Variants in SRBD1 observed in about 807,000 individuals in gnomAD.
The protein encoded by SRBD1 is S1 RNA binding domain 1.
SRBD1 carries 88 observed loss-of-function variants against 115.3 expected under a neutral mutation model. That is an observed-to-expected ratio of 0.76 (90% CI 0.64 to 0.91). The LOEUF (loss-of-function observed/expected upper bound fraction) is 0.91, where lower values mean the gene tolerates loss of function less well. Among genes scored for constraint, SRBD1 ranks in the 40% least tolerant of loss-of-function variants. The pLI is 0.00. For missense variants in SRBD1, 1,385 were observed against 1,177.4 expected (o/e 1.18, Z -2.58); for synonymous variants, 509 against 407.7 (o/e 1.25, Z -2.99).
chr2:45,471,100 G>C (rs922680621), intron 16 of SRBD1, among the ~76,000 whole-genome samples: 1 of 151,960 alleles, frequency 6.6e-6, no homozygotes, highest in South Asian at 2.1e-4. Flanking sequence ...TAGAAGTCCA[G>C]ACTAAAAATA....
intron 19 of SRBD1, among the ~76,000 whole-genome samples, chr2:45,403,196 T>G (rs1344088809): frequency 1.3e-5 from 2 of 152,182 alleles, no homozygotes; most frequent in South Asian, 2.1e-4. Context: ...TTGAAATTTT[T>G]TCAATCCACA....
intron 4 of SRBD1, among the ~76,000 whole-genome samples, chr2:45,593,155 T>C (rs547256049): frequency 6.6e-4 from 100 of 152,330 alleles, no homozygotes; most frequent in Non-Finnish European, 1.1e-3. Flanking sequence ...ACTGTTGTTT[T>C]AGGCTAATTC....
chr2:45,559,238 T>C (rs771375189), intron 10 of SRBD1, among the ~76,000 whole-genome samples: 4 of 152,198 alleles, frequency 2.6e-5, no homozygotes, highest in Non-Finnish European at 5.9e-5. Flanking sequence ...AATCTGATCA[T>C]CACACTCCTG....
chr2:45,537,381 T>C (rs1047491696), intron 14 of SRBD1, among the ~76,000 whole-genome samples: 32 of 152,222 alleles, frequency 2.1e-4, no homozygotes, highest in African/African-American at 6.5e-4. Context: ...CACACTCTTA[T>C]CTTTTTGTCT....
intron 19 of SRBD1, among the ~76,000 whole-genome samples, chr2:45,403,432 T>C (rs1020488832): frequency 6.6e-6 from 1 of 152,188 alleles, no homozygotes; most frequent in Admixed American, 6.5e-5. Context: ...TTCTTTTATG[T>C]AGTCATCTTT....
chr2:45,398,413 G>T (rs1444376241), intron 19 of SRBD1, among the ~76,000 whole-genome samples: 1 of 152,072 alleles, frequency 6.6e-6, no homozygotes, highest in Non-Finnish European at 1.5e-5. Context: ...ATAGATGAAG[G>T]AATGCAGTTT....
At chr2:45,392,293 A>T (rs1572584568) in intron 20 of SRBD1, among the ~76,000 whole-genome samples, 1 of 152,224 alleles carries the variant, frequency 6.6e-6, no homozygotes, top group South Asian at 2.1e-4. Flanking sequence ...AAAACTGGTT[A>T]TAAGACCAGT....
At chr2:45,581,911 A>C in intron 5 of SRBD1, 101 bp from the exon 6 acceptor site, 1 of 846,948 alleles carries the variant, frequency 1.2e-6, no homozygotes, top group Non-Finnish European at 1.9e-6. Context: ...AAGTAAAAGG[A>C]ACTTTATTGT....
Position 45,389,043 on chromosome 2 carries a change from TAA to T in SRBD1, c.*265_*266del. 1 of 386,606 alleles carries T rather than the reference TAA, an allele frequency of 2.6e-6. No individual in the cohort carries two copies. Among genetic ancestry groups the T allele is most frequent in the Non-Finnish European group, 4.6e-6 (1 of 219,258 alleles). 23.9% of individuals were successfully genotyped at this position (386,606 alleles called of 1,614,324 possible). On this transcript the variant is annotated 3_prime_UTR_variant, in exon 21 of 21. Coordinates refer to ENST00000263736, the MANE Select transcript of SRBD1 (RefSeq NM_018079.5). ...GGAGTTAAAGATAAATTACAAAAAATAAAAAACAAAATTTTAGTCAGAAAACT... is the reference window on the plus strand; with the variant it reads ...GGAGTTAAAGATAAATTACAAAAAATAAAACAAAATTTTAGTCAGAAAACT...
chr2:45,569,314 C>A (rs927487126), intron 9 of SRBD1: 3 of 152,242 alleles, frequency 2.0e-5, no homozygotes, highest in Non-Finnish European at 4.4e-5. Flanking sequence ...GCCAGTTCAC[C>A]CCTCCTTAGG....
chr2:45,418,303 G>C lies in SRBD1; in HGVS notation c.2333+62C>G, dbSNP rs553917155. 3.2e-6 allele frequency: 5 copies of C among 1,570,086 alleles called. No homozygotes were observed. The East Asian group carries it at 9.0e-5, about 28-fold the overall frequency. On this transcript the variant is annotated intron_variant, in intron 18 of 20. Coordinates refer to ENST00000263736, the MANE Select transcript of SRBD1 (RefSeq NM_018079.5). ...AAAATTTTACACTAATCAGTGGTAG[G>C]ATAGGTAACAGTAACAAGAGAGGAG...
chr2:45,465,824 T>A (rs1236510941), intron 16 of SRBD1, among the ~76,000 whole-genome samples: 1 of 152,226 alleles, frequency 6.6e-6, no homozygotes, highest in Non-Finnish European at 1.5e-5. Context: ...TACATTTTCT[T>A]GATTTTAAAT....
At chr2:45,503,218 A>AGAAAG (rs1670690817) in intron 14 of SRBD1, among the ~76,000 whole-genome samples, 2 of 151,848 alleles carry the variant, frequency 1.3e-5, no homozygotes, top group Non-Finnish European at 2.9e-5. Flanking sequence ...CTTTCCATGA[A>AGAAAG]GAAAACTTGC....
Position 45,490,284 on chromosome 2 carries a change from AG to A in SRBD1, c.1875-1954del, listed in dbSNP as rs1440468950. 2.0e-5 allele frequency among the ~76,000 whole-genome samples: 3 copies of A among 152,266 alleles called. No individual in the cohort carries two copies. In the East Asian group the frequency reaches 5.8e-4, roughly 29 times the overall value. The stretch of plus-strand genomic sequence containing the variant: ...ACCAGGGGCCCTTGGACTATTGGGC[AG>A]GAAGAGGCAGGATTAATCAGAACTG... On this transcript the variant is annotated intron_variant, in intron 14 of 20. Transcript: ENST00000263736.
chr2:45,409,211 G>C (rs923241293), intron 19 of SRBD1, among the ~76,000 whole-genome samples: 2 of 151,966 alleles, frequency 1.3e-5, no homozygotes, highest in African/African-American at 4.8e-5. Context: ...GACAAAGTGA[G>C]ACCCTGTCCA....
rs1396986972 is a variant in SRBD1 at position 45,488,187 on chromosome 2, G to T, written c.1966+53C>A. On this transcript the variant is annotated intron_variant, in intron 15 of 20. Transcript: ENST00000263736. ...TTAGAATATTTAGCATGCCACACAT[G>T]CTGCCCAAAATATCAAAATCACATG... 4.0e-6 allele frequency: 6 copies of T among 1,488,420 alleles called. No individual in the cohort carries two copies. The East Asian group carries it at 1.1e-4, about 28-fold the overall frequency. 92.2% of individuals were successfully genotyped at this position (1,488,420 alleles called of 1,614,324 possible). A position where few individuals can be genotyped will look rare whatever the true frequency, so the allele number is the denominator to read the frequency against.
At chr2:45,525,358 C>T (rs758761645) in intron 14 of SRBD1, among the ~76,000 whole-genome samples, 2 of 151,972 alleles carry the variant, frequency 1.3e-5, no homozygotes, top group Non-Finnish European at 2.9e-5. Context: ...CGACAACCTA[C>T]AGAATGGCAT....
intron 16 of SRBD1, among the ~76,000 whole-genome samples, chr2:45,444,276 G>A (rs536187300): frequency 5.3e-5 from 8 of 152,196 alleles, no homozygotes; most frequent in Admixed American, 2.6e-4. Flanking sequence ...GTGTGGTGGT[G>A]CACCTGTAGT....
chr2:45,576,527 A>C (rs1673183467), intron 7 of SRBD1, among the ~76,000 whole-genome samples: 1 of 152,248 alleles, frequency 6.6e-6, no homozygotes, highest in East Asian at 1.9e-4. Flanking sequence ...TAATGAAACT[A>C]ATAGTAATTC....
Sources: allele counts gnomAD v4.1 joint callset (sites outside exome capture counted in the v4.1 genomes callset), GRCh38; gene constraint gnomAD v4.1.1; transcripts MANE v1.5; gene names NCBI Gene and HGNC (gene_info 2026-07-23, HGNC 2026-07-21).